The following LAMA2 variants were observed in gnomAD, a reference collection of about 807,000 sequenced individuals.
LAMA2 encodes the protein laminin subunit alpha 2, also known as laminin subunit alpha-2.
LAMA2 carries 269 observed loss-of-function variants against 364.8 expected under a neutral mutation model. The observed-to-expected ratio is 0.74, with a 90% CI of 0.67 to 0.82. LAMA2 has a LOEUF of 0.82. LAMA2 is among the 40% of genes least tolerant of loss of function. LAMA2 has a pLI of 0.00. For missense variants in LAMA2, 3,807 were observed against 3,873.2 expected (o/e 0.98, Z 0.45); for synonymous variants, 1,379 against 1,370.6 (o/e 1.01, Z -0.14).
chr6:129,207,881 G>T (rs1782787231), intron 12 of LAMA2, among the ~76,000 whole-genome samples: 2 of 152,188 alleles, frequency 1.3e-5, no homozygotes, highest in Admixed American at 6.5e-5. Context: ...CTCAGAAGGT[G>T]AGGGTCAGGG....
chr6:129,319,292 C>T (rs1774806521), intron 27 of LAMA2, among the ~76,000 whole-genome samples: 1 of 152,018 alleles, frequency 6.6e-6, no homozygotes, highest in South Asian at 2.1e-4. Flanking sequence ...TGGGGAATGA[C>T]CTTGGGTTGT....
chr6:129,289,942 G>C (rs1361361312), intron 19 of LAMA2, among the ~76,000 whole-genome samples: 3 of 152,012 alleles, frequency 2.0e-5, no homozygotes, highest in Non-Finnish European at 4.4e-5. Flanking sequence ...CTATGCATAA[G>C]TGGTAAAACC....
intron 17 of LAMA2, among the ~76,000 whole-genome samples, chr6:129,278,634 C>G (rs947054020): frequency 2.0e-5 from 3 of 152,124 alleles, no homozygotes; most frequent in Non-Finnish European, 4.4e-5. Flanking sequence ...AAAGGAGATT[C>G]TTTACTCGCA....
At chr6:129,394,316 T>C (rs1562523678) in intron 37 of LAMA2, among the ~76,000 whole-genome samples, 1 of 152,250 alleles carries the variant, frequency 6.6e-6, no homozygotes, top group Non-Finnish European at 1.5e-5. Context: ...ATAGTATGTA[T>C]GTAGAAATGT....
intron 1 of LAMA2, among the ~76,000 whole-genome samples, chr6:128,968,990 C>G (rs1782022282): frequency 6.6e-6 from 1 of 152,210 alleles, no homozygotes; most frequent in South Asian, 2.1e-4. Context: ...GCAAGCAATG[C>G]TTCTACAGAA....
chr6:129,437,384 C>T (rs573091117), intron 41 of LAMA2, among the ~76,000 whole-genome samples: 69 of 152,052 alleles, frequency 4.5e-4, no homozygotes, highest in African/African-American at 1.6e-3. Flanking sequence ...ACACTAAATG[C>T]GTGTAACATA....
intron 3 of LAMA2, among the ~76,000 whole-genome samples, chr6:129,095,611 G>A (rs1213020124): frequency 6.6e-6 from 1 of 151,930 alleles, no homozygotes; most frequent in Non-Finnish European, 1.5e-5. Flanking sequence ...TGGGTTATGG[G>A]TTAAAGATGT....
chr6:129,384,011 A>C (rs1778842603), intron 35 of LAMA2, among the ~76,000 whole-genome samples: 1 of 152,232 alleles, frequency 6.6e-6, no homozygotes, highest in African/African-American at 2.4e-5. Context: ...TAATGTAGCC[A>C]AATAAATAAG....
At chr6:129,445,446 G>T (rs1295674535) in intron 44 of LAMA2, among the ~76,000 whole-genome samples, 1 of 152,154 alleles carries the variant, frequency 6.6e-6, no homozygotes, top group Admixed American at 6.6e-5. Flanking sequence ...TAATCAAAAA[G>T]AAAAAGTGGT....
intron 37 of LAMA2, among the ~76,000 whole-genome samples, chr6:129,394,906 A>AT (rs1779522123): frequency 6.6e-6 from 1 of 152,070 alleles, no homozygotes; most frequent in Admixed American, 6.5e-5. Flanking sequence ...TCCTGTTTGG[A>AT]TTTTCCTTGT....
chr6:129,227,676 C>G (rs986392554), intron 12 of LAMA2, among the ~76,000 whole-genome samples: 11 of 152,132 alleles, frequency 7.2e-5, no homozygotes, highest in Non-Finnish European at 1.6e-4. Context: ...GCCGCCTGAT[C>G]GTTCCTCTGG....
intron 14 of LAMA2, among the ~76,000 whole-genome samples, chr6:129,253,108 C>A (rs970008593): frequency 6.6e-6 from 1 of 152,028 alleles, no homozygotes; most frequent in Non-Finnish European, 1.5e-5. Context: ...TGCTGTAAGG[C>A]GGCTTTGTTT....
intron 49 of LAMA2, among the ~76,000 whole-genome samples, chr6:129,462,954 G>A (rs1213454131): frequency 6.6e-6 from 1 of 151,976 alleles, no homozygotes; most frequent in African/African-American, 2.4e-5. Context: ...CAGTAGAAGA[G>A]ATAAAATTGT....
rs537234976 is a variant in LAMA2 at position 129,419,941 on chromosome 6, C to A, written c.5866-7811C>A. On this transcript the variant is annotated intron_variant, in intron 40 of 64. Transcript: ENST00000421865. ...AAAATGTACAGTACTATATAAAGCA[C>A]CTTAAAAATTGATGCATGGTGATTT... Among the ~76,000 whole-genome samples, 8 of 151,994 alleles carry A rather than the reference C, an allele frequency of 5.3e-5. No individual in the cohort carries two copies. The South Asian group carries it at 1.7e-3, about 32-fold the overall frequency.
At chr6:129,091,416 A>T (rs1421416854) in intron 3 of LAMA2, among the ~76,000 whole-genome samples, 1 of 152,216 alleles carries the variant, frequency 6.6e-6, no homozygotes, top group Non-Finnish European at 1.5e-5. Flanking sequence ...TAATGTGAGT[A>T]TAAAAAGTCT....
rs140705175 is a variant in LAMA2 at position 129,460,831 on chromosome 6, G to T, written c.6992+507G>T. Among the ~76,000 whole-genome samples, 247 of 151,810 alleles carry T rather than the reference G, an allele frequency of 1.6e-3. 1 individual carries two copies. The highest frequency in any genetic ancestry group is 5.7e-3 in the African/African-American group (237 of 41,448). ...AATTGACACATAGGATCCTACAAGT[G>T]CTTCAACTGGAAACCTATGGGATTT... On this transcript the variant is annotated intron_variant, in intron 49 of 64. Coordinates refer to ENST00000421865, the MANE Select transcript of LAMA2 (RefSeq NM_000426.4).
At chr6:129,422,677 A>G (rs1781134096) in intron 40 of LAMA2, among the ~76,000 whole-genome samples, 1 of 152,194 alleles carries the variant, frequency 6.6e-6, no homozygotes, top group Non-Finnish European at 1.5e-5. Context: ...ATAGTTCTAT[A>G]TTCATTAGAG....
At chr6:128,936,312 C>T (rs1358579260) in intron 1 of LAMA2, among the ~76,000 whole-genome samples, 3 of 152,204 alleles carry the variant, frequency 2.0e-5, no homozygotes, top group African/African-American at 7.2e-5. Flanking sequence ...CAGCTGTAGA[C>T]TTGTCATATA....
intron 21 of LAMA2, among the ~76,000 whole-genome samples, chr6:129,299,313 A>G (rs1237312595): frequency 1.3e-5 from 2 of 152,122 alleles, no homozygotes; most frequent in Admixed American, 1.3e-4. Flanking sequence ...AATTAAGATA[A>G]TAATAGTATC....
Sources: gnomAD v4.1 joint callset for allele counts (sites outside exome capture counted in the v4.1 genomes callset) on GRCh38, gnomAD v4.1.1 for gene constraint, MANE v1.5 for transcripts, NCBI Gene and HGNC (gene_info 2026-07-23, HGNC 2026-07-21) for gene names.